FGF12: variants seen among roughly 807,000 people sequenced by gnomAD.
FGF12 encodes fibroblast growth factor 12.
A neutral mutation model predicts 23.6 loss-of-function variants in FGF12; 14 were observed. The observed-to-expected ratio is 0.59, with a 90% CI of 0.39 to 0.93. The LOEUF is 0.93. FGF12 is among the 40% of genes least tolerant of loss of function. The probability of loss-of-function intolerance (pLI) is 0.00; values close to 1 mark genes in which losing one functional copy is unlikely to be tolerated. For synonymous variants in FGF12, 62 were observed against 77.3 expected (o/e 0.80, Z 1.04); for missense variants, 175 against 217.8 (o/e 0.80, Z 1.24).
At chr3:192,258,821 G>A (rs773383016) in intron 4 of FGF12, among the ~76,000 whole-genome samples, 6 of 152,106 alleles carry the variant, frequency 3.9e-5, no homozygotes, top group South Asian at 4.1e-4. Context: ...TGTGAAAATC[G>A]TGTTTCTATA....
At chr3:192,579,809 G>A (rs1713058211) in intron 2 of FGF12, among the ~76,000 whole-genome samples, 1 of 152,080 alleles carries the variant, frequency 6.6e-6, no homozygotes, top group African/African-American at 2.4e-5. Flanking sequence ...ACCTCAGGTG[G>A]TCCGATCATC....
chr3:192,670,439 C>A (rs900676254), intron 2 of FGF12, among the ~76,000 whole-genome samples: 6 of 151,994 alleles, frequency 3.9e-5, no homozygotes, highest in African/African-American at 1.4e-4. Context: ...TATAGATCTT[C>A]TGAGACCAAA....
chr3:192,521,224 CTAAT>C (rs548525473), intron 2 of FGF12: 13 of 152,232 alleles, frequency 8.5e-5, no homozygotes, highest in Non-Finnish European at 1.3e-4. Flanking sequence ...TTGCATATCT[CTAAT>C]TATGATTGAG....
chr3:192,247,096 G>T (rs897222814), intron 4 of FGF12, among the ~76,000 whole-genome samples: 5 of 111,154 alleles, frequency 4.5e-5, no homozygotes, highest in Non-Finnish European at 9.7e-5. Flanking sequence ...AAGGAAGGAA[G>T]GAAGGAATAT....
chr3:192,431,680 G>C (rs1721864912), intron 2 of FGF12, among the ~76,000 whole-genome samples: 1 of 152,148 alleles, frequency 6.6e-6, no homozygotes, highest in Non-Finnish European at 1.5e-5. Flanking sequence ...CTCCAATGAT[G>C]ACTTGTATTA....
At chr3:192,502,595 G>T (rs1724163210) in intron 2 of FGF12, among the ~76,000 whole-genome samples, 1 of 152,162 alleles carries the variant, frequency 6.6e-6, no homozygotes, top group Non-Finnish European at 1.5e-5. Flanking sequence ...GACCAGGAGT[G>T]GCCAGACTGT....
At chr3:192,286,624 T>C (rs1714462208) in intron 4 of FGF12, among the ~76,000 whole-genome samples, 1 of 152,066 alleles carries the variant, frequency 6.6e-6, no homozygotes, top group Non-Finnish European at 1.5e-5. Flanking sequence ...AATGAACTGA[T>C]TCTTAATGAA....
intron 2 of FGF12, among the ~76,000 whole-genome samples, chr3:192,539,256 TATG>T (rs1371634362): frequency 6.6e-6 from 1 of 152,236 alleles, no homozygotes. Flanking sequence ...CCCCATTCAC[TATG>T]ATACTAGCTG....
At chr3:192,563,127 T>C (rs1419162905) in intron 2 of FGF12, among the ~76,000 whole-genome samples, 1 of 152,224 alleles carries the variant, frequency 6.6e-6, no homozygotes, top group South Asian at 2.1e-4. Context: ...TTTGAGAGCT[T>C]TAGAACTGGG....
chr3:192,194,550 C>A (rs1408261353), intron 4 of FGF12, among the ~76,000 whole-genome samples: 1 of 152,130 alleles, frequency 6.6e-6, no homozygotes. Context: ...GACTTATTTT[C>A]ATATATATTT....
chr3:192,570,891 G>A (rs1001036281), intron 2 of FGF12, among the ~76,000 whole-genome samples: 1 of 152,130 alleles, frequency 6.6e-6, no homozygotes, highest in African/African-American at 2.4e-5. Context: ...ATTCTAAGCT[G>A]GAAGCTCACT....
intron 4 of FGF12, among the ~76,000 whole-genome samples, chr3:192,194,313 C>T (rs12489197): frequency 0.18 from 27,364 of 152,106 alleles, 2,607 homozygotes; most frequent in South Asian, 0.31. Flanking sequence ...TATTTTCTCA[C>T]CCAGTGCAAG....
intron 2 of FGF12, among the ~76,000 whole-genome samples, chr3:192,665,793 A>AG (rs1716850071): frequency 6.6e-6 from 1 of 151,974 alleles, no homozygotes; most frequent in Admixed American, 6.6e-5. Flanking sequence ...ATTTTTAAAA[A>AG]AAGAATATGC....
chr3:192,648,270 C>G (rs9868055), intron 2 of FGF12, among the ~76,000 whole-genome samples: 81,761 of 151,802 alleles, frequency 0.54, 22,420 homozygotes, highest in East Asian at 0.67. Flanking sequence ...CAGAAATGGT[C>G]TATAACAACT....
At chr3:192,178,671 T>C (rs1467052061) in intron 4 of FGF12, among the ~76,000 whole-genome samples, 2 of 152,306 alleles carry the variant, frequency 1.3e-5, no homozygotes, top group African/African-American at 4.8e-5. Context: ...AATTTTTTTG[T>C]ATTTTTAGTA....
At chr3:192,339,670 T>C (rs1425503168) in intron 3 of FGF12, among the ~76,000 whole-genome samples, 1 of 152,186 alleles carries the variant, frequency 6.6e-6, no homozygotes, top group African/African-American at 2.4e-5. Flanking sequence ...AGGCCTACCT[T>C]GTTGAACTCC....
intron 2 of FGF12, among the ~76,000 whole-genome samples, chr3:192,589,856 T>G (rs1489389428): frequency 6.6e-6 from 1 of 151,904 alleles, no homozygotes; most frequent in Non-Finnish European, 1.5e-5. Context: ...AAAATGACAA[T>G]TTTTAGGAGA....
At chr3:192,329,078 T>A (rs1044155941) in intron 4 of FGF12, among the ~76,000 whole-genome samples, 4 of 152,218 alleles carry the variant, frequency 2.6e-5, no homozygotes, top group African/African-American at 7.2e-5. Flanking sequence ...TTACTGAGAA[T>A]CTTCCTTTAC....
At chr3:192,538,628 A>G (rs1289569833) in intron 2 of FGF12, among the ~76,000 whole-genome samples, 1 of 152,118 alleles carries the variant, frequency 6.6e-6, no homozygotes. Context: ...GGTCTTTTGC[A>G]GTTCTATATA....
Sources: allele counts gnomAD v4.1 joint callset (sites outside exome capture counted in the v4.1 genomes callset), GRCh38; gene constraint gnomAD v4.1.1; transcripts MANE v1.5; gene names NCBI Gene and HGNC (gene_info 2026-07-23, HGNC 2026-07-21).